LRRC28: variants seen among roughly 807,000 people sequenced by gnomAD.
LRRC28 encodes the protein leucine rich repeat containing 28.
LRRC28 carries 39 observed loss-of-function variants against 45.7 expected under a neutral mutation model. The observed-to-expected ratio is 0.85, with a 90% CI of 0.66 to 1.12. The LOEUF (loss-of-function observed/expected upper bound fraction) is 1.12. LRRC28 is among the 50% of genes most tolerant of loss of function. LRRC28 has a pLI of 0.00. For missense variants in LRRC28, 435 were observed against 438.5 expected, an observed-to-expected ratio of 0.99 and a Z score of 0.07; for synonymous variants, 206 against 178.8, an observed-to-expected ratio of 1.15 and a Z score of -1.22.
intron 3 of LRRC28, among the ~76,000 whole-genome samples, chr15:99,286,016 A>G (rs1287462960): frequency 6.6e-6 from 1 of 152,186 alleles, no homozygotes; most frequent in African/African-American, 2.4e-5. Flanking sequence ...AAAATTATCA[A>G]TTTTCTGTCT....
chr15:99,325,030 C>CAA (rs1955925951), intron 5 of LRRC28, among the ~76,000 whole-genome samples: 1 of 152,150 alleles, frequency 6.6e-6, no homozygotes, highest in Admixed American at 6.6e-5. Context: ...GGGGAGTGTG[C>CAA]CATCTCACCA....
chr15:99,267,829 C>A (rs181438841), intron 2 of LRRC28, among the ~76,000 whole-genome samples: 1 of 152,088 alleles, frequency 6.6e-6, no homozygotes, highest in Non-Finnish European at 1.5e-5. Context: ...TAATGTGAAA[C>A]GGTGATTCCT....
intron 5 of LRRC28, among the ~76,000 whole-genome samples, chr15:99,305,823 A>G (rs1955162224): frequency 6.6e-6 from 1 of 152,194 alleles, no homozygotes; most frequent in African/African-American, 2.4e-5. Flanking sequence ...ATCTCCTTGA[A>G]TGTTCAAACT....
chr15:99,387,349 CG>C lies in LRRC28; in HGVS notation c.*1248del, dbSNP rs1958055055. On this transcript the variant is annotated 3_prime_UTR_variant, in exon 10 of 10. Transcript: ENST00000301981. ...TGCTGGGATTACAGGCGTGAGCCAC[CG>C]CGCCCGGCCCACTACTGGTTTTTAA... The C allele has an allele frequency of 6.6e-6, 1 of 152,232 alleles. No individual in the cohort carries two copies. Among genetic ancestry groups the C allele is most frequent in the Non-Finnish European group, 1.5e-5 (1 of 68,076 alleles). 9.4% of individuals were successfully genotyped at this position (152,232 alleles called of 1,614,324 possible).
chr15:99,387,117 G>T lies in LRRC28; in HGVS notation c.*1015G>T, dbSNP rs561793870. 1 of 151,406 alleles carries T rather than the reference G, an allele frequency of 6.6e-6. No homozygotes were observed. Among genetic ancestry groups the T allele is most frequent in the Non-Finnish European group, 1.5e-5 (1 of 67,882 alleles). 9.4% of individuals were successfully genotyped at this position (151,406 alleles called of 1,614,324 possible). A position where few individuals can be genotyped will look rare whatever the true frequency, so the allele number is the denominator to read the frequency against. ...GCTCTGTCGCCCAGGCTGGAGTGCA[G>T]TGGCGGGATCTCGGCTCACTGCAAG... On this transcript the variant is annotated 3_prime_UTR_variant, in exon 10 of 10. Transcript: ENST00000301981.
chr15:99,365,300 C>T (rs1005084120), intron 9 of LRRC28, among the ~76,000 whole-genome samples: 1 of 152,214 alleles, frequency 6.6e-6, no homozygotes, highest in African/African-American at 2.4e-5. Context: ...ATGAGTATAT[C>T]AAGTACATAG....
chr15:99,285,794 T>G (rs2081942892), intron 3 of LRRC28: 3 of 469,050 alleles, frequency 6.4e-6, no homozygotes, highest in Non-Finnish European at 1.2e-5. Context: ...GGCAAGTATT[T>G]TGTTGAAAAA....
At chr15:99,301,784 A>G (rs923744110) in intron 5 of LRRC28, among the ~76,000 whole-genome samples, 1 of 152,182 alleles carries the variant, frequency 6.6e-6, no homozygotes, top group African/African-American at 2.4e-5. Context: ...TTTGTTTCCT[A>G]TCCGTAGTTT....
intron 2 of LRRC28, among the ~76,000 whole-genome samples, chr15:99,262,482 T>C (rs2081225067): frequency 6.6e-6 from 1 of 152,156 alleles, no homozygotes; most frequent in Non-Finnish European, 1.5e-5. Context: ...CTCGGGAGGC[T>C]GAGGCAGGAG....
Position 99,388,825 on chromosome 15 carries a change from G to C in LRRC28, c.*2723G>C, listed in dbSNP as rs1041468186. 3.3e-5 allele frequency: 5 copies of C among 152,232 alleles called. No homozygotes were observed. The highest frequency in any genetic ancestry group is 4.4e-5 in the Non-Finnish European group (3 of 68,040). 9.4% of individuals were successfully genotyped at this position (152,232 alleles called of 1,614,324 possible). A position where few individuals can be genotyped will look rare whatever the true frequency, so the allele number is the denominator to read the frequency against. ...GGTAAGTTTACTTCAGTGAACTCTT[G>C]TGTGGTTAGCGATAAGTTTTAAAGT... On this transcript the variant is annotated 3_prime_UTR_variant, in exon 10 of 10. Transcript: ENST00000301981.
intron 2 of LRRC28, among the ~76,000 whole-genome samples, chr15:99,262,877 T>C (rs2081235437): frequency 1.3e-5 from 2 of 151,434 alleles, no homozygotes; most frequent in Non-Finnish European, 2.9e-5. Context: ...CTCAAACTCC[T>C]GGGCTCAAGT....
intron 5 of LRRC28, among the ~76,000 whole-genome samples, chr15:99,327,205 G>A (rs942948850): frequency 6.6e-6 from 1 of 152,076 alleles, no homozygotes; most frequent in African/African-American, 2.4e-5. Flanking sequence ...CTCCTGAGTA[G>A]CTGGGATTAC....
intron 3 of LRRC28, among the ~76,000 whole-genome samples, chr15:99,281,789 C>T (rs1211353630): frequency 6.6e-6 from 1 of 152,054 alleles, no homozygotes; most frequent in African/African-American, 2.4e-5. Flanking sequence ...GTTAGGTTAG[C>T]CCTATTACTA....
chr15:99,361,212 A>T (rs2152325849), intron 7 of LRRC28, 124 bp from the exon 8 acceptor site: 1 of 1,206,492 alleles, frequency 8.3e-7, no homozygotes, highest in Admixed American at 2.9e-5. Context: ...TCACTTTGAA[A>T]AGAATTCTGG....
chr15:99,296,669 G>A (rs918193574), intron 5 of LRRC28, among the ~76,000 whole-genome samples: 1 of 152,156 alleles, frequency 6.6e-6, no homozygotes, highest in Non-Finnish European at 1.5e-5. Context: ...ATGACTGGAG[G>A]GGGGACTTGC....
At chr15:99,254,199 C>G (rs1437626357) in intron 1 of LRRC28, among the ~76,000 whole-genome samples, 4 of 152,208 alleles carry the variant, frequency 2.6e-5, no homozygotes, top group East Asian at 3.8e-4. Context: ...GAAAAATTAT[C>G]TTGCACAAAG....
chr15:99,364,893 G>A (rs983201552), intron 9 of LRRC28, among the ~76,000 whole-genome samples: 2 of 152,122 alleles, frequency 1.3e-5, no homozygotes. Flanking sequence ...TTTAGCAAAT[G>A]ATCTTTATAT....
chr15:99,300,749 C>G (rs889535599), intron 5 of LRRC28, among the ~76,000 whole-genome samples: 1 of 152,158 alleles, frequency 6.6e-6, no homozygotes, highest in African/African-American at 2.4e-5. Context: ...TCGCTTGAAC[C>G]CAAGAGGCGG....
At chr15:99,353,883 TAGAG>T (rs549048053) in intron 7 of LRRC28, 86 of 152,318 alleles carry the variant, frequency 5.6e-4, no homozygotes, top group African/African-American at 2.0e-3. Flanking sequence ...TTGTGCTAAG[TAGAG>T]AGATATTTTT....
Sources: allele counts gnomAD v4.1 joint callset (sites outside exome capture counted in the v4.1 genomes callset), GRCh38; gene constraint gnomAD v4.1.1; transcripts MANE v1.5; gene names NCBI Gene and HGNC (gene_info 2026-07-23, HGNC 2026-07-21).